CHCHD6: variants seen among roughly 807,000 people sequenced by gnomAD.
CHCHD6 encodes the protein coiled-coil-helix-coiled-coil-helix domain containing 6.
CHCHD6 carries 28 observed loss-of-function variants against 32.3 expected under a neutral mutation model. That is an observed-to-expected ratio of 0.87 (90% confidence interval 0.64 to 1.19). The LOEUF (loss-of-function observed/expected upper bound fraction) is 1.19, where lower values mean the gene tolerates loss of function less well. CHCHD6 is among the 50% of genes most tolerant of loss of function. CHCHD6 has a pLI of 0.00. For missense variants in CHCHD6, 333 were observed against 307.0 expected (o/e 1.08, Z -0.63); for synonymous variants, 122 against 117.5 (o/e 1.04, Z -0.25).
At chr3:126,848,666 T>G (rs1373912176) in intron 4 of CHCHD6, among the ~76,000 whole-genome samples, 3 of 152,156 alleles carry the variant, frequency 2.0e-5, no homozygotes, top group Admixed American at 6.5e-5. Flanking sequence ...GTGGAGAAGG[T>G]AGAGGGTAGA....
chr3:126,835,111 T>C (rs1485686630), intron 4 of CHCHD6, among the ~76,000 whole-genome samples: 1 of 152,168 alleles, frequency 6.6e-6, no homozygotes, highest in African/African-American at 2.4e-5. Flanking sequence ...AACAGATTTC[T>C]GACCAGCCTC....
At chr3:126,922,044 C>T (rs537693482) in intron 6 of CHCHD6, among the ~76,000 whole-genome samples, 1 of 152,298 alleles carries the variant, frequency 6.6e-6, no homozygotes, top group African/African-American at 2.4e-5. Flanking sequence ...TTAAAGGAAA[C>T]GTTTTCTATG....
At chr3:126,910,314 C>A (rs2078071571) in intron 5 of CHCHD6, among the ~76,000 whole-genome samples, 1 of 131,112 alleles carries the variant, frequency 7.6e-6, no homozygotes, top group African/African-American at 2.6e-5. Context: ...CCCTGCCCCT[C>A]CTTCACTGAA....
intron 4 of CHCHD6, among the ~76,000 whole-genome samples, chr3:126,812,818 T>G (rs866202189): frequency 2.0e-4 from 31 of 152,142 alleles, no homozygotes; most frequent in Middle Eastern, 3.2e-3. Flanking sequence ...CACCTTGGGA[T>G]TTTTACATGT....
chr3:126,922,316 T>G (rs1429648918), intron 6 of CHCHD6, among the ~76,000 whole-genome samples: 1 of 152,190 alleles, frequency 6.6e-6, no homozygotes, highest in Admixed American at 6.5e-5. Flanking sequence ...GAAGGCAAGT[T>G]CATTGACCTC....
chr3:126,827,682 T>C (rs1002986410), intron 4 of CHCHD6, among the ~76,000 whole-genome samples: 1 of 152,160 alleles, frequency 6.6e-6, no homozygotes, highest in Non-Finnish European at 1.5e-5. Flanking sequence ...CCAATCACTA[T>C]TGTTGTTACA....
chr3:126,773,461 C>CA (rs961261396), intron 4 of CHCHD6, among the ~76,000 whole-genome samples: 15 of 152,172 alleles, frequency 9.9e-5, no homozygotes, highest in Non-Finnish European at 2.1e-4. Flanking sequence ...AGCGATAGGG[C>CA]AAAGGCAAGT....
At chr3:126,865,006 TCCACCA>T (rs200381452) in intron 5 of CHCHD6, among the ~76,000 whole-genome samples, 1 of 143,064 alleles carries the variant, frequency 7.0e-6, no homozygotes, top group Non-Finnish European at 1.5e-5. Flanking sequence ...CTTTTCTTCC[TCCACCA>T]CCACCACCAC....
chr3:126,730,051 G>A (rs1226155776), intron 2 of CHCHD6, among the ~76,000 whole-genome samples: 2 of 152,234 alleles, frequency 1.3e-5, no homozygotes, highest in East Asian at 1.9e-4. Flanking sequence ...AAAGGCGATA[G>A]TGGTTAAGTA....
chr3:126,874,491 T>C (rs1282905481), intron 5 of CHCHD6, among the ~76,000 whole-genome samples: 1 of 152,116 alleles, frequency 6.6e-6, no homozygotes, highest in Non-Finnish European at 1.5e-5. Context: ...GGCAGCTCTG[T>C]CTGGAGGGCT....
intron 4 of CHCHD6, among the ~76,000 whole-genome samples, chr3:126,837,283 G>C (rs1167549245): frequency 6.6e-6 from 1 of 152,142 alleles, no homozygotes; most frequent in Non-Finnish European, 1.5e-5. Context: ...AGTGGGTTTA[G>C]CCTGGGTGTG....
chr3:126,946,497 C>G (rs2078641253), intron 6 of CHCHD6, among the ~76,000 whole-genome samples: 1 of 152,164 alleles, frequency 6.6e-6, no homozygotes, highest in Non-Finnish European at 1.5e-5. Flanking sequence ...GAGCAATGCA[C>G]CCCCAGGCTC....
intron 1 of CHCHD6, among the ~76,000 whole-genome samples, chr3:126,707,097 C>T (rs1358720769): frequency 6.6e-6 from 1 of 151,840 alleles, no homozygotes; most frequent in African/African-American, 2.4e-5. Context: ...TGAAACCCTG[C>T]CTCTACCAAA....
rs537570673 is a variant in CHCHD6, at chr3:126,807,960, C to T, written c.412-44687C>T. On this transcript the variant is annotated intron_variant, in intron 4 of 7. Transcript: ENST00000290913. ...TGGTTATGACTGTGTTCCAGTAAAG[C>T]TTTATTTACAAAAACACGTGGCCAG... Among the ~76,000 whole-genome samples the T allele has an allele frequency of 3.9e-5, 6 of 152,306 alleles. No individual in the cohort carries two copies. The South Asian group carries it at 1.2e-3, about 32-fold the overall frequency.
intron 6 of CHCHD6, chr3:126,952,921 G>A (rs1458720585): frequency 1.0e-6 from 1 of 972,654 alleles, no homozygotes; most frequent in Non-Finnish European, 1.2e-6. Context: ...CAGGGACCAG[G>A]ACCCATGTGC....
intron 5 of CHCHD6, among the ~76,000 whole-genome samples, chr3:126,857,484 C>T (rs780289148): frequency 6.6e-6 from 1 of 152,106 alleles, no homozygotes; most frequent in African/African-American, 2.4e-5. Flanking sequence ...TCCCTGCTGC[C>T]GATCGAACTT....
chr3:126,715,924 A>G (rs748671734), intron 1 of CHCHD6, among the ~76,000 whole-genome samples: 2 of 152,200 alleles, frequency 1.3e-5, no homozygotes, highest in Non-Finnish European at 2.9e-5. Context: ...TTACCTGCGC[A>G]TTCAGTCAGA....
intron 4 of CHCHD6, among the ~76,000 whole-genome samples, chr3:126,737,070 C>T (rs542201335): frequency 1.3e-4 from 20 of 152,132 alleles, no homozygotes; most frequent in Admixed American, 1.2e-3. Context: ...CCTGTAATAC[C>T]AGCACTTTGG....
intron 5 of CHCHD6, 51 bp downstream of exon 5, chr3:126,852,781 T>G: frequency 8.0e-7 from 1 of 1,245,360 alleles, no homozygotes. Flanking sequence ...TAAAGGCATC[T>G]GACCAGAACA....
Sources: gnomAD v4.1 joint callset for allele counts (sites outside exome capture counted in the v4.1 genomes callset) on GRCh38, gnomAD v4.1.1 for gene constraint, MANE v1.5 for transcripts, NCBI Gene and HGNC (gene_info 2026-07-23, HGNC 2026-07-21) for gene names.